CNTNAP2: variants seen among roughly 807,000 people sequenced by gnomAD.
The protein encoded by CNTNAP2 is contactin-associated protein-like 2.
A neutral mutation model predicts 155.2 loss-of-function variants in CNTNAP2; 98 were observed. The observed-to-expected ratio is 0.63, with a 90% CI of 0.54 to 0.75. The LOEUF is 0.75. Ranked by LOEUF, CNTNAP2 falls within the 30% of genes least tolerant of loss-of-function variation. The pLI, the probability that CNTNAP2 is intolerant of heterozygous loss-of-function variation, is 0.00. For synonymous variants in CNTNAP2, 651 were observed against 631.2 expected, an observed-to-expected ratio of 1.03 and a Z score of -0.47; for missense variants, 1,727 against 1,688.1, an observed-to-expected ratio of 1.02 and a Z score of -0.40.
chr7:146,580,827 A>G (rs1798601059), intron 1 of CNTNAP2, among the ~76,000 whole-genome samples: 1 of 152,144 alleles, frequency 6.6e-6, no homozygotes, highest in Non-Finnish European at 1.5e-5. Context: ...TACCTAGGTC[A>G]GTCTGTGCCT....
In CNTNAP2 at chr7:146,396,379, G is replaced by A. The variant is rs543356786; in HGVS notation, c.97+279406G>A. ...ATAAGATATTAAGCAAGAAAACACAGCATCTATTGTATTTTTAAACGAATC... is the reference window on the plus strand; with the variant it reads ...ATAAGATATTAAGCAAGAAAACACAACATCTATTGTATTTTTAAACGAATC... On this transcript the variant is annotated intron_variant, in intron 1 of 23. Coordinates refer to ENST00000361727, the MANE Select transcript of CNTNAP2 (RefSeq NM_014141.6). 3.2e-4 allele frequency among the ~76,000 whole-genome samples: 49 copies of A among 152,008 alleles called. No individual in the cohort carries two copies. In the South Asian group the frequency reaches 7.9e-3, roughly 24 times the overall value.
chr7:147,814,986 G>A (rs753708832), intron 13 of CNTNAP2, among the ~76,000 whole-genome samples: 73 of 152,100 alleles, frequency 4.8e-4, no homozygotes, highest in Non-Finnish European at 8.2e-4. Flanking sequence ...GTAGTCCTAC[G>A]TTTTAGGGAC....
At chr7:146,305,814 T>C (rs10281880) in intron 1 of CNTNAP2, among the ~76,000 whole-genome samples, 17,622 of 151,794 alleles carry the variant, frequency 0.12, 2,490 homozygotes, top group African/African-American at 0.34. Context: ...AAAATTGACA[T>C]CCTAACATCA....
intron 1 of CNTNAP2, among the ~76,000 whole-genome samples, chr7:146,286,614 C>T (rs1336883337): frequency 1.3e-5 from 2 of 152,142 alleles, no homozygotes; most frequent in Non-Finnish European, 2.9e-5. Context: ...CCCTGAATGA[C>T]TTCCTGTCAT....
intron 16 of CNTNAP2, among the ~76,000 whole-genome samples, chr7:148,138,618 T>C (rs1805003281): frequency 6.6e-6 from 1 of 152,204 alleles, no homozygotes; most frequent in African/African-American, 2.4e-5. Flanking sequence ...TCTTCATCTC[T>C]AGGGGATCCT....
rs550622787 is a variant in CNTNAP2 at position 147,144,044 on chromosome 7, A to G, written c.1348+11535A>G. 3.3e-5 allele frequency among the ~76,000 whole-genome samples: 5 copies of G among 152,254 alleles called. No individual in the cohort carries two copies. In the East Asian group the frequency reaches 9.7e-4, roughly 29 times the overall value. On this transcript the variant is annotated intron_variant, in intron 8 of 23. Coordinates refer to ENST00000361727, the MANE Select transcript of CNTNAP2 (RefSeq NM_014141.6). ...AACTCCAGGGAAAAACAAGAGAATA[A>G]ATTTTTTTTGTACCTTCTACTTGAG...
At chr7:148,352,735 T>G (rs992516612) in intron 21 of CNTNAP2, among the ~76,000 whole-genome samples, 1 of 152,112 alleles carries the variant, frequency 6.6e-6, no homozygotes, top group Non-Finnish European at 1.5e-5. Flanking sequence ...TTGCCCAAGT[T>G]CAACTTTGGA....
At chr7:146,552,863 A>G (rs916841452) in intron 1 of CNTNAP2, among the ~76,000 whole-genome samples, 29 of 152,062 alleles carry the variant, frequency 1.9e-4, no homozygotes, top group African/African-American at 6.8e-4. Flanking sequence ...AGATAAATGC[A>G]TGTCTGACTC....
chr7:146,380,831 G>A (rs186065839), intron 1 of CNTNAP2, among the ~76,000 whole-genome samples: 6,014 of 105,230 alleles, frequency 0.057, 408 homozygotes, highest in African/African-American at 0.18. Flanking sequence ...ACGGAGTCTC[G>A]CTGTCGCCCA....
chr7:146,272,731 C>T (rs1357359009), intron 1 of CNTNAP2, among the ~76,000 whole-genome samples: 1 of 152,010 alleles, frequency 6.6e-6, no homozygotes, highest in South Asian at 2.1e-4. Context: ...GACAAGAAGT[C>T]AGAGGCAATA....
At chr7:147,562,384 G>T in intron 12 of CNTNAP2, 127 bp downstream of exon 12, 1 of 1,182,744 alleles carries the variant, frequency 8.5e-7, no homozygotes. Flanking sequence ...ACATATTGCT[G>T]GATTTGTTAG....
intron 1 of CNTNAP2, among the ~76,000 whole-genome samples, chr7:146,669,471 CAATT>C (rs1800258351): frequency 1.3e-5 from 2 of 152,142 alleles, no homozygotes; most frequent in African/African-American, 4.8e-5. Context: ...GTTATAACAT[CAATT>C]GCGTGTAACC....
intron 8 of CNTNAP2, among the ~76,000 whole-genome samples, chr7:147,224,809 C>T (rs1803484554): frequency 6.6e-6 from 1 of 152,156 alleles, no homozygotes; most frequent in Admixed American, 6.5e-5. Context: ...CATAAACACA[C>T]ATATACACCA....
chr7:147,116,209 C>T, intron 5 of CNTNAP2, among the ~76,000 whole-genome samples: 1 of 152,156 alleles, frequency 6.6e-6, no homozygotes. Flanking sequence ...AAGTTCCATG[C>T]TAGGGATAAC....
intron 11 of CNTNAP2, among the ~76,000 whole-genome samples, chr7:147,526,180 A>G (rs1487521853): frequency 1.3e-5 from 2 of 148,684 alleles, no homozygotes; most frequent in Non-Finnish European, 3.0e-5. Flanking sequence ...AGACAGAGTG[A>G]GACTCCATCT....
At chr7:148,056,288 G>A (rs562975313) in intron 15 of CNTNAP2, among the ~76,000 whole-genome samples, 3 of 152,148 alleles carry the variant, frequency 2.0e-5, no homozygotes, top group African/African-American at 7.2e-5. Context: ...TTGGTTTCTG[G>A]GATGTGTTTC....
At chr7:146,586,099 A>T (rs1798687945) in intron 1 of CNTNAP2, among the ~76,000 whole-genome samples, 1 of 152,204 alleles carries the variant, frequency 6.6e-6, no homozygotes, top group African/African-American at 2.4e-5. Flanking sequence ...TATTTTGCTT[A>T]AACAATATGC....
At chr7:147,102,560 A>G (rs143639609) in intron 4 of CNTNAP2, among the ~76,000 whole-genome samples, 10 of 152,290 alleles carry the variant, frequency 6.6e-5, no homozygotes, top group Non-Finnish European at 1.2e-4. Flanking sequence ...TTAAGCAGAA[A>G]TATTGCACAA....
At chr7:148,244,360 G>C (rs768377824) in intron 20 of CNTNAP2, among the ~76,000 whole-genome samples, 5 of 152,128 alleles carry the variant, frequency 3.3e-5, no homozygotes, top group Non-Finnish European at 7.3e-5. Context: ...AAACAATATT[G>C]ATTGTGTTAT....
Sources: gnomAD v4.1 joint callset for allele counts (sites outside exome capture counted in the v4.1 genomes callset) on GRCh38, gnomAD v4.1.1 for gene constraint, MANE v1.5 for transcripts, NCBI Gene and HGNC (gene_info 2026-07-23, HGNC 2026-07-21) for gene names.